Variants in RXYLT1 observed in about 807,000 individuals in gnomAD.
RXYLT1 encodes ribitol-5-phosphate xylosyltransferase 1.
RXYLT1 carries 41 observed loss-of-function variants against 43.5 expected under a neutral mutation model. That is an observed-to-expected ratio of 0.94 (90% CI 0.73 to 1.22). The LOEUF (loss-of-function observed/expected upper bound fraction) is 1.22, where lower values mean the gene tolerates loss of function less well. Among genes scored for constraint, RXYLT1 ranks in the 50% most tolerant of loss-of-function variants. The probability of loss-of-function intolerance (pLI) is 0.00; values close to 1 mark genes in which losing one functional copy is unlikely to be tolerated. For missense variants in RXYLT1, 514 were observed against 532.0 expected (o/e 0.97, Z 0.33); for synonymous variants, 166 against 194.4 (o/e 0.85, Z 1.21).
rs879149399 is a variant in RXYLT1, at chr12:63,784,908, C to T, written c.326-62C>T. ...AAAAGAACAGAACGTAAACTTGTCT[C>T]ATGCACTAAAGTAGATGAGACAGTA... On this transcript the variant is annotated intron_variant, in intron 2 of 5. Transcript: ENST00000261234. 5.7e-6 allele frequency: 8 copies of T among 1,405,530 alleles called. No homozygotes were observed. The East Asian group carries it at 1.2e-4, about 20-fold the overall frequency. 87.1% of individuals were successfully genotyped at this position (1,405,530 alleles called of 1,614,324 possible).
Position 63,785,075 on chromosome 12 carries a change from A to G in RXYLT1, c.428+3A>G, listed in dbSNP as rs1565899787. The G allele has an allele frequency of 1.2e-6, 2 of 1,602,454 alleles. No individual in the cohort carries two copies. The highest frequency in any genetic ancestry group is 1.7e-5 in the Admixed American group (1 of 59,710). On this transcript the variant is annotated splice_donor_region_variant and intron_variant, in intron 3 of 5. Coordinates refer to ENST00000261234, the MANE Select transcript of RXYLT1 (RefSeq NM_014254.3). ...ATCGTAGGAAGAACACAGTACAGGT[A>G]TTGGTTGTATTAGTTGTGCAACATT...
At chr12:63,786,726 C>T (rs1269347567) in intron 3 of RXYLT1, among the ~76,000 whole-genome samples, 3 of 152,142 alleles carry the variant, frequency 2.0e-5, no homozygotes, top group Non-Finnish European at 4.4e-5. Flanking sequence ...ATGAAGTTTG[C>T]CACATCAGTT....
intron 3 of RXYLT1, among the ~76,000 whole-genome samples, chr12:63,796,344 T>C (rs1312604371): frequency 6.6e-6 from 1 of 152,236 alleles, no homozygotes; most frequent in Non-Finnish European, 1.5e-5. Flanking sequence ...CTTTGATCAC[T>C]TGGCTAAGGT....
At chr12:63,783,679 C>G (rs1897737313) in intron 2 of RXYLT1, among the ~76,000 whole-genome samples, 2 of 152,146 alleles carry the variant, frequency 1.3e-5, no homozygotes, top group Admixed American at 6.5e-5. Context: ...TTCCCCATTA[C>G]CCAATTTCAG....
At chr12:63,786,361 C>G (rs1897800100) in intron 3 of RXYLT1, among the ~76,000 whole-genome samples, 1 of 152,160 alleles carries the variant, frequency 6.6e-6, no homozygotes, top group African/African-American at 2.4e-5. Context: ...CAGGCATCCT[C>G]TAGAGATACT....
chr12:63,795,880 T>A (rs1898021317), intron 3 of RXYLT1, among the ~76,000 whole-genome samples: 1 of 152,154 alleles, frequency 6.6e-6, no homozygotes, highest in African/African-American at 2.4e-5. Context: ...TTGAAATAAT[T>A]TTAGACTTAA....
intron 4 of RXYLT1, among the ~76,000 whole-genome samples, chr12:63,802,746 A>G (rs1359287220): frequency 6.6e-6 from 1 of 152,122 alleles, no homozygotes; most frequent in Admixed American, 6.6e-5. Flanking sequence ...GTATCTATAT[A>G]TAGTAAAAAA....
chr12:63,780,485 T>C (rs1897654872), intron 1 of RXYLT1: 2 of 1,102,440 alleles, frequency 1.8e-6, no homozygotes, highest in African/African-American at 3.3e-5. Context: ...CGTTTCCATG[T>C]TGAAACAAAG....
At chr12:63,780,880 C>G (rs1183007918) in intron 1 of RXYLT1, 139 bp from the exon 2 acceptor site, 1 of 679,746 alleles carries the variant, frequency 1.5e-6, no homozygotes, top group Non-Finnish European at 2.2e-6. Context: ...TTGTGTATTA[C>G]CAGTTTAAAT....
At chr12:63,791,369 T>G (rs148228509) in intron 3 of RXYLT1, among the ~76,000 whole-genome samples, 1 of 152,316 alleles carries the variant, frequency 6.6e-6, no homozygotes, top group East Asian at 1.9e-4. Flanking sequence ...AAAAGGTAGA[T>G]CATAAATTAT....
intron 3 of RXYLT1, among the ~76,000 whole-genome samples, chr12:63,796,422 C>T (rs144761592): frequency 4.6e-5 from 7 of 152,254 alleles, no homozygotes; most frequent in African/African-American, 1.7e-4. Context: ...CTAGGAGATT[C>T]TCTGGGACCA....
intron 3 of RXYLT1, among the ~76,000 whole-genome samples, chr12:63,799,167 C>T (rs1195313025): frequency 6.6e-6 from 1 of 152,128 alleles, no homozygotes; most frequent in Non-Finnish European, 1.5e-5. Flanking sequence ...ATGAATCATA[C>T]TTCATTTTGT....
intron 2 of RXYLT1, among the ~76,000 whole-genome samples, chr12:63,783,805 C>G (rs1420040664): frequency 6.6e-6 from 1 of 152,164 alleles, no homozygotes; most frequent in Non-Finnish European, 1.5e-5. Context: ...ACCACAAATG[C>G]AGTATCCTAC....
rs771003064 is a variant in RXYLT1 at position 63,805,314 on chromosome 12, C to G, written c.824C>G (p.Thr275Arg). Residue 275 changes from threonine (T) to arginine (R), a missense_variant, in exon 5 of 6, where the codon ACG becomes AGG. Physicochemically the swap from Thr to Arg is moderately conservative, Grantham distance 71. Transcript: ENST00000261234. Reference sequence around the variant, plus strand: ...CCATATTTATGTAATTTCTTAGGAACGATTTATGAAAATTCATCCAGACAG... The same window carrying G: ...CCATATTTATGTAATTTCTTAGGAAGGATTTATGAAAATTCATCCAGACAG... ...ERPYLCNFLG[T>R]IYENSSRQAL... is the part of the protein sequence containing the mutation. The G allele has an allele frequency of 1.9e-6, 3 of 1,612,878 alleles. No homozygotes were observed. The highest frequency in any genetic ancestry group is 3.3e-5 in the Admixed American group (2 of 59,804).
intron 3 of RXYLT1, among the ~76,000 whole-genome samples, chr12:63,800,129 G>A (rs1318766387): frequency 6.6e-6 from 1 of 152,128 alleles, no homozygotes; most frequent in Non-Finnish European, 1.5e-5. Context: ...TATCTGTTTA[G>A]TATTTGTTAA....
chr12:63,808,642 G>A, intron 5 of RXYLT1, 33 bp from the exon 6 acceptor site: 1 of 1,583,674 alleles, frequency 6.3e-7, no homozygotes, highest in South Asian at 1.2e-5. Flanking sequence ...ACTTAGTAAA[G>A]TGAAAACTAC....
Position 63,780,074 on chromosome 12 carries a change from G to C in RXYLT1, c.114G>C (p.Gly38=), listed in dbSNP as rs935889466. The C allele has an allele frequency of 6.3e-7, 1 of 1,598,320 alleles. No individual in the cohort carries two copies. The change falls in exon 1 of 6, where the codon GGG becomes GGC. Residue 38 remains glycine, a synonymous_variant. Coordinates refer to ENST00000261234, the MANE Select transcript of RXYLT1 (RefSeq NM_014254.3). Reference sequence around the variant, plus strand: ...GGCGCCGCCGCCAGGCGCCGGCCGGGTCCCCGCGGGGCCTCAGGAAGGGGG... The same window carrying C: ...GGCGCCGCCGCCAGGCGCCGGCCGGCTCCCCGCGGGGCCTCAGGAAGGGGG... ...FFGRRRQAPA[G]SPRGLRKGAA...
intron 3 of RXYLT1, among the ~76,000 whole-genome samples, chr12:63,800,564 A>G (rs1898136109): frequency 6.6e-6 from 1 of 152,192 alleles, no homozygotes; most frequent in South Asian, 2.1e-4. Flanking sequence ...AGCACTTAAT[A>G]TGAAAAAAAT....
rs149734959 is a variant in RXYLT1 at position 63,809,003 on chromosome 12, C to G, written c.1243C>G (p.Leu415Val). ...AAAAATTGAAAGAAGAAAAATGTTA[C>G]TTCAGTGGTATCAGCACTTCAAGAC... is the stretch of plus-strand genomic sequence containing the variant. ...QEKIERRKML[L>V]QWYQHFKTEL... Residue 415 changes from leucine (L) to valine (V), a missense_variant, in exon 6 of 6, where the codon CTT (leucine) becomes GTT (valine). Leu to Val is a conservative substitution (Grantham distance 32). Transcript: ENST00000261234. 6.2e-7 allele frequency: 1 copy of G among 1,611,250 alleles called. No homozygotes were observed. The highest frequency in any genetic ancestry group is 8.5e-7 in the Non-Finnish European group (1 of 1,178,416).
Sources: allele counts gnomAD v4.1 joint callset (sites outside exome capture counted in the v4.1 genomes callset), GRCh38; gene constraint gnomAD v4.1.1; transcripts MANE v1.5; gene names NCBI Gene and HGNC (gene_info 2026-07-23, HGNC 2026-07-21).